The following ROBO1 variants were observed in gnomAD, a reference collection of about 807,000 sequenced individuals.
ROBO1 encodes the protein roundabout homolog 1.
A neutral mutation model predicts 195.9 loss-of-function variants in ROBO1; 149 were observed. The ratio of observed to expected loss-of-function variants is 0.76; its 90% CI spans 0.67 to 0.87. ROBO1 has a LOEUF of 0.87. Ranked by LOEUF, ROBO1 falls within the 40% of genes least tolerant of loss-of-function variation. The pLI is 0.00. For missense variants in ROBO1, 1,933 were observed against 2,068.3 expected, an observed-to-expected ratio of 0.93 and a Z score of 1.27; for synonymous variants, 816 against 733.2, an observed-to-expected ratio of 1.11 and a Z score of -1.82.
At chr3:78,664,083 T>C (rs1458161918) in intron 14 of ROBO1, among the ~76,000 whole-genome samples, 1 of 152,130 alleles carries the variant, frequency 6.6e-6, no homozygotes, top group African/African-American at 2.4e-5. Flanking sequence ...ATAATAGAAA[T>C]GTTCACAGCA....
intron 4 of ROBO1, among the ~76,000 whole-genome samples, chr3:78,838,049 A>T (rs944306405): frequency 2.0e-5 from 3 of 152,218 alleles, no homozygotes; most frequent in African/African-American, 7.2e-5. Context: ...GGTGACTTCC[A>T]TATTAGTAAT....
In ROBO1 at chr3:78,598,612, T is replaced by G; in HGVS notation, c.*301A>C. Reference sequence around the variant, plus strand: ...GCAAAATGCAAAAGAACAGTTTTGTTCCCTCTTGCTGGCTGATGACTGAAG... The same window carrying G: ...GCAAAATGCAAAAGAACAGTTTTGTGCCCTCTTGCTGGCTGATGACTGAAG... On this transcript the variant is annotated 3_prime_UTR_variant, in exon 31 of 31. Transcript: ENST00000464233. 1 of 263,740 alleles carries G rather than the reference T, an allele frequency of 3.8e-6. No individual in the cohort carries two copies. Among genetic ancestry groups the G allele is most frequent in the East Asian group, 6.7e-5 (1 of 15,026 alleles). 16.3% of individuals were successfully genotyped at this position (263,740 alleles called of 1,614,324 possible).
intron 4 of ROBO1, among the ~76,000 whole-genome samples, chr3:78,890,474 TTCAGA>T (rs2036823284): frequency 6.6e-6 from 1 of 152,058 alleles, no homozygotes; most frequent in Non-Finnish European, 1.5e-5. Flanking sequence ...ACTTCTAGAC[TTCAGA>T]ACCTTGAGAA....
chr3:78,947,247 C>T (rs990466056), intron 3 of ROBO1, among the ~76,000 whole-genome samples: 2 of 152,096 alleles, frequency 1.3e-5, no homozygotes, highest in South Asian at 2.1e-4. Flanking sequence ...ACCACACCTA[C>T]TCCAAAACTG....
chr3:79,008,888 C>CGTGTGTGTGTGT lies in ROBO1; in HGVS notation c.173-69973_173-69962dup, dbSNP rs375134341. On this transcript the variant is annotated intron_variant, in intron 3 of 30. Coordinates refer to ENST00000464233, the MANE Select transcript of ROBO1 (RefSeq NM_002941.4). ...ACAGGCATGAGCCACTGCACCCAGC[C>CGTGTGTGTGTGT]GTGTGTGTGTGTGTGTGTGTGTGTG... Among the ~76,000 whole-genome samples the CGTGTGTGTGTGT allele has an allele frequency of 2.5e-3, 300 of 121,270 alleles. 3 individuals are homozygous for CGTGTGTGTGTGT. Among genetic ancestry groups the CGTGTGTGTGTGT allele is most frequent in the East Asian group, 0.016 (62 of 3,982 alleles). The allele number at this position is 121,270 out of a possible 152,430, so 79.6% of individuals were successfully genotyped here.
At chr3:79,537,959 T>A (rs1941934333) in intron 2 of ROBO1, among the ~76,000 whole-genome samples, 1 of 151,912 alleles carries the variant, frequency 6.6e-6, no homozygotes, top group Non-Finnish European at 1.5e-5. Flanking sequence ...CTGAAAAAAA[T>A]AATTGCAAAA....
At chr3:79,544,092 G>A (rs979998510) in intron 2 of ROBO1, among the ~76,000 whole-genome samples, 1 of 151,866 alleles carries the variant, frequency 6.6e-6, no homozygotes. Context: ...TTTTCATTAG[G>A]CTTATCCAAC....
intron 8 of ROBO1, among the ~76,000 whole-genome samples, chr3:78,702,068 G>A: frequency 6.6e-6 from 1 of 152,182 alleles, no homozygotes. Flanking sequence ...AACTAAAAAA[G>A]AATTGCTTTG....
chr3:78,892,773 A>G (rs1029046048), intron 4 of ROBO1, among the ~76,000 whole-genome samples: 1 of 152,202 alleles, frequency 6.6e-6, no homozygotes, highest in African/African-American at 2.4e-5. Flanking sequence ...CAATCTAGAT[A>G]TATCAAGCCA....
At chr3:79,272,463 G>A (rs2030653814) in intron 2 of ROBO1, among the ~76,000 whole-genome samples, 1 of 152,056 alleles carries the variant, frequency 6.6e-6, no homozygotes, top group Admixed American at 6.6e-5. Context: ...AGTCAGGTAA[G>A]CAATCACAGC....
At chr3:79,247,275 A>C (rs77372041) in intron 2 of ROBO1, among the ~76,000 whole-genome samples, 4,754 of 150,318 alleles carry the variant, frequency 0.032, 226 homozygotes, top group African/African-American at 0.11. Context: ...ACATAATATA[A>C]AATGGCCCAC....
At chr3:78,846,888 C>A (rs1386806961) in intron 4 of ROBO1, among the ~76,000 whole-genome samples, 1 of 152,084 alleles carries the variant, frequency 6.6e-6, no homozygotes, top group African/African-American at 2.4e-5. Context: ...TATGGGAAGG[C>A]CATAGCCTCA....
intron 4 of ROBO1, among the ~76,000 whole-genome samples, chr3:78,812,352 C>G (rs2084768333): frequency 6.6e-6 from 1 of 152,174 alleles, no homozygotes; most frequent in Non-Finnish European, 1.5e-5. Context: ...TCAGTCCCAG[C>G]CATGCTGGAG....
At chr3:78,928,384 A>G (rs1576414816) in intron 4 of ROBO1, among the ~76,000 whole-genome samples, 1 of 152,302 alleles carries the variant, frequency 6.6e-6, no homozygotes, top group African/African-American at 2.4e-5. Flanking sequence ...AACATGGTCC[A>G]GAAAGAACTC....
At chr3:79,612,161 C>T (rs11919944) in intron 1 of ROBO1, among the ~76,000 whole-genome samples, 42,902 of 147,590 alleles carry the variant, frequency 0.29, 7,751 homozygotes, top group African/African-American at 0.52. Context: ...GTATATCTCC[C>T]GATGCTATCC....
At chr3:78,981,788 A>ACAC in intron 3 of ROBO1, among the ~76,000 whole-genome samples, 1 of 140,762 alleles carries the variant, frequency 7.1e-6, no homozygotes, top group Non-Finnish European at 1.6e-5. Context: ...GGCCCCTGCC[A>ACAC]ACACACACAC....
chr3:79,203,344 C>T (rs1205543648), intron 2 of ROBO1, among the ~76,000 whole-genome samples: 1 of 152,108 alleles, frequency 6.6e-6, no homozygotes, highest in Non-Finnish European at 1.5e-5. Context: ...AGGCAACAGC[C>T]CTGAATCATT....
intron 3 of ROBO1, among the ~76,000 whole-genome samples, chr3:79,045,324 C>T (rs1157139917): frequency 6.6e-6 from 1 of 151,908 alleles, no homozygotes; most frequent in Non-Finnish European, 1.5e-5. Context: ...ATGAACTATA[C>T]ATTAAAGTTT....
intron 4 of ROBO1, among the ~76,000 whole-genome samples, chr3:78,865,873 A>G (rs2035145053): frequency 6.6e-6 from 1 of 152,202 alleles, no homozygotes; most frequent in South Asian, 2.1e-4. Context: ...TCAAAAGGAC[A>G]AGACTCCTTA....
Sources: gnomAD v4.1 joint callset for allele counts (sites outside exome capture counted in the v4.1 genomes callset) on GRCh38, gnomAD v4.1.1 for gene constraint, MANE v1.5 for transcripts, NCBI Gene and HGNC (gene_info 2026-07-23, HGNC 2026-07-21) for gene names.